The following COLEC12 variants were observed in gnomAD, a reference collection of about 807,000 sequenced individuals.
COLEC12 encodes the protein collectin-12.
A neutral mutation model predicts 71.1 loss-of-function variants in COLEC12; 33 were observed. That is an observed-to-expected ratio of 0.46 (90% CI 0.35 to 0.62). The LOEUF is 0.62. COLEC12 is among the 20% of genes least tolerant of loss of function. The probability of loss-of-function intolerance (pLI) is 0.00; values close to 1 mark genes in which losing one functional copy is unlikely to be tolerated. For synonymous variants in COLEC12, 350 were observed against 353.0 expected, an observed-to-expected ratio of 0.99 and a Z score of 0.10; for missense variants, 765 against 916.1, an observed-to-expected ratio of 0.84 and a Z score of 2.13.
chr18:475,919 A>T (rs1471454649), intron 2 of COLEC12, among the ~76,000 whole-genome samples: 8 of 152,228 alleles, frequency 5.3e-5, no homozygotes, highest in African/African-American at 1.9e-4. Context: ...CCTTCAACAC[A>T]GATTTCTCAG....
intron 2 of COLEC12, among the ~76,000 whole-genome samples, chr18:358,651 C>G (rs775912578): frequency 1.8e-4 from 28 of 152,168 alleles, no homozygotes; most frequent in Admixed American, 6.5e-4. Flanking sequence ...CTCACTCGCC[C>G]ACTGCTCACC....
intron 5 of COLEC12, among the ~76,000 whole-genome samples, chr18:336,256 A>G (rs1479031747): frequency 1.3e-5 from 2 of 151,988 alleles, no homozygotes; most frequent in African/African-American, 4.8e-5. Flanking sequence ...GCCAGCTCAG[A>G]GGGACGGGAG....
chr18:375,648 C>T (rs987064775), intron 2 of COLEC12, among the ~76,000 whole-genome samples: 8 of 152,188 alleles, frequency 5.3e-5, no homozygotes, highest in Non-Finnish European at 1.0e-4. Flanking sequence ...CAGGCGTGCA[C>T]GACCACACTT....
At chr18:439,693 T>A (rs1332652464) in intron 2 of COLEC12, among the ~76,000 whole-genome samples, 1 of 152,100 alleles carries the variant, frequency 6.6e-6, no homozygotes, top group Non-Finnish European at 1.5e-5. Flanking sequence ...AGATAACAAA[T>A]GTCGTCAAGG....
At chr18:495,451 C>T (rs910325374) in intron 1 of COLEC12, among the ~76,000 whole-genome samples, 8 of 152,058 alleles carry the variant, frequency 5.3e-5, no homozygotes, top group Admixed American at 1.3e-4. Context: ...GTGTAGGGGC[C>T]GTTTTCAGAG....
intron 3 of COLEC12, among the ~76,000 whole-genome samples, chr18:352,933 T>C (rs1037047429): frequency 3.3e-5 from 5 of 152,236 alleles, no homozygotes; most frequent in African/African-American, 1.2e-4. Flanking sequence ...TGGTTTCTCA[T>C]AGGCTCTCCT....
chr18:479,126 CT>C (rs551669410), intron 2 of COLEC12, among the ~76,000 whole-genome samples: 6 of 152,290 alleles, frequency 3.9e-5, no homozygotes, highest in Non-Finnish European at 8.8e-5. Context: ...TGATTCCTAT[CT>C]TTCTGTGTTT....
chr18:497,432 C>T (rs1211409250), intron 1 of COLEC12, among the ~76,000 whole-genome samples: 1 of 137,040 alleles, frequency 7.3e-6, no homozygotes, highest in African/African-American at 2.8e-5. Flanking sequence ...TTGAGAGAGT[C>T]TTGCTTCTGT....
intron 2 of COLEC12, among the ~76,000 whole-genome samples, chr18:477,452 A>G (rs915242383): frequency 6.7e-6 from 1 of 149,688 alleles, no homozygotes; most frequent in African/African-American, 2.6e-5. Context: ...AAATTAAACA[A>G]TAAGTAAACC....
chr18:335,294 TTTC>T, intron 5 of COLEC12, 64 bp from the exon 6 acceptor site: 1 of 1,510,354 alleles, frequency 6.6e-7, no homozygotes, highest in Non-Finnish European at 8.8e-7. Context: ...ATGAATAATT[TTTC>T]TTCTTATAAA....
intron 2 of COLEC12, among the ~76,000 whole-genome samples, chr18:393,943 T>A (rs183342212): frequency 6.6e-6 from 1 of 152,302 alleles, no homozygotes; most frequent in East Asian, 1.9e-4. Flanking sequence ...AAGGTTAATA[T>A]CAAAACACAT....
At chr18:388,932 T>G (rs1915401885) in intron 2 of COLEC12, among the ~76,000 whole-genome samples, 3 of 152,166 alleles carry the variant, frequency 2.0e-5, no homozygotes, top group African/African-American at 7.2e-5. Context: ...CCTTCTCCAG[T>G]TCTCTCCAAG....
intron 2 of COLEC12, among the ~76,000 whole-genome samples, chr18:392,794 C>T (rs962688445): frequency 1.3e-5 from 2 of 152,212 alleles, no homozygotes; most frequent in Non-Finnish European, 2.9e-5. Flanking sequence ...TAATGCAGGC[C>T]GGTTTGAGCT....
At chr18:403,565 CTTTCAGTGA>C (rs1915728807) in intron 2 of COLEC12, among the ~76,000 whole-genome samples, 1 of 152,164 alleles carries the variant, frequency 6.6e-6, no homozygotes. Flanking sequence ...GCTTGTTTTC[CTTTCAGTGA>C]CCCATGGCTC....
In COLEC12 at chr18:346,282, A is replaced by G. The variant is rs1370826050; in HGVS notation, c.1327+13T>C. 6.4e-7 allele frequency: 1 copy of G among 1,570,450 alleles called. No homozygotes were observed. Among genetic ancestry groups the G allele is most frequent in the Non-Finnish European group, 8.7e-7 (1 of 1,155,640 alleles). ...ACAACTAATACAAATACAAATTCAG[A>G]ATTTTGACTTACCTTGTAGTATTGT... is the stretch of plus-strand genomic sequence containing the variant. On this transcript the variant is annotated intron_variant, in intron 5 of 9. Transcript: ENST00000400256. The surrounding 1 kb of genome is among the most constrained non-coding windows in gnomAD (Gnocchi z 4.0).
At chr18:369,385 C>CTTTTTTTT (rs55923005) in intron 2 of COLEC12, among the ~76,000 whole-genome samples, 2 of 136,200 alleles carry the variant, frequency 1.5e-5, no homozygotes, top group Non-Finnish European at 1.6e-5. Context: ...TGATACAGAT[C>CTTTTTTTT]TTTTTTTTTT....
chr18:465,987 G>C (rs933893785), intron 2 of COLEC12, among the ~76,000 whole-genome samples: 9 of 152,126 alleles, frequency 5.9e-5, no homozygotes, highest in Admixed American at 5.9e-4. Context: ...AGAATTGCTT[G>C]AACCCAGGAG....
chr18:347,435 G>T, intron 4 of COLEC12, 94 bp from the exon 5 acceptor site: 2 of 1,024,744 alleles, frequency 2.0e-6, no homozygotes, highest in Non-Finnish European at 2.9e-6. Context: ...GGTATGCACT[G>T]TATTTTAGAT....
rs1917385105 is a variant in COLEC12, at chr18:480,159, C to T, written c.58+548G>A. 6.6e-6 allele frequency among the ~76,000 whole-genome samples: 1 copy of T among 152,194 alleles called. No homozygotes were observed. The highest frequency in any genetic ancestry group is 1.9e-4 in the East Asian group (1 of 5,188). Reference sequence around the variant, plus strand: ...CATCTCCCCATCTCAAGCTCTTCAACTTAATCACACCTACAAAGTCCTTTG... The same window carrying T: ...CATCTCCCCATCTCAAGCTCTTCAATTTAATCACACCTACAAAGTCCTTTG... On this transcript the variant is annotated intron_variant, in intron 2 of 9. Coordinates refer to ENST00000400256, the MANE Select transcript of COLEC12 (RefSeq NM_130386.3). This position sits in a 1 kb window ranked among gnomAD's most constrained non-coding sequence, Gnocchi z 4.1.
Sources: allele counts gnomAD v4.1 joint callset (sites outside exome capture counted in the v4.1 genomes callset), GRCh38; gene constraint gnomAD v4.1.1; non-coding constraint Gnocchi (gnomAD v3.1); transcripts MANE v1.5; gene names NCBI Gene and HGNC (gene_info 2026-07-23, HGNC 2026-07-21).